Variants in CFAP74 observed in about 807,000 individuals in gnomAD.
CFAP74 encodes the protein cilia and flagella associated protein 74, also known as cilia- and flagella-associated protein 74.
In CFAP74, 124 loss-of-function variants were observed where a neutral mutation model predicts 188.9. The observed-to-expected ratio is 0.66, with a 90% CI of 0.57 to 0.76. The LOEUF is 0.76. Among genes scored for constraint, CFAP74 ranks in the 30% least tolerant of loss-of-function variants. CFAP74 has a pLI of 0.00. For missense variants in CFAP74, 2,198 were observed against 2,165.2 expected (o/e 1.02, Z -0.30); for synonymous variants, 956 against 916.7 (o/e 1.04, Z -0.77).
intron 12 of CFAP74, among the ~76,000 whole-genome samples, chr1:1,966,003 C>G (rs1026020945): frequency 6.6e-6 from 1 of 152,248 alleles, no homozygotes; most frequent in East Asian, 1.9e-4. Context: ...AAAGTTTGCA[C>G]GCTTCTTCTA....
In CFAP74 at chr1:1,989,941, G is replaced by A. The variant is rs375744956; in HGVS notation, c.67+949C>T. 1.3e-3 allele frequency among the ~76,000 whole-genome samples: 196 copies of A among 152,252 alleles called. 1 individual carries two copies. Among genetic ancestry groups the A allele is most frequent in the African/African-American group, 4.6e-3 (190 of 41,558 alleles). On this transcript the variant is annotated intron_variant, in intron 2 of 38. Coordinates refer to ENST00000682832, the MANE Select transcript of CFAP74 (RefSeq NM_001304360.2). ...ACTGTCTTCATGATCACACTCGCACGCCATTTGTCTCCTCACTCTCTTCCC... is the reference window on the plus strand; with the variant it reads ...ACTGTCTTCATGATCACACTCGCACACCATTTGTCTCCTCACTCTCTTCCC...
chr1:1,938,187 TCA>T (rs1570856257), intron 25 of CFAP74, among the ~76,000 whole-genome samples: 1 of 142,514 alleles, frequency 7.0e-6, no homozygotes. Flanking sequence ...ATACAAGCAC[TCA>T]CATTCAGTCA....
intron 6 of CFAP74, among the ~76,000 whole-genome samples, chr1:1,976,464 C>T (rs967439999): frequency 2.6e-5 from 4 of 152,182 alleles, no homozygotes; most frequent in Admixed American, 2.6e-4. Flanking sequence ...CCAGAGGCTT[C>T]CCGAGGCGCC....
At chr1:1,945,298 G>A (rs1390613688) in intron 20 of CFAP74, among the ~76,000 whole-genome samples, 7 of 152,162 alleles carry the variant, frequency 4.6e-5, no homozygotes, top group Admixed American at 4.6e-4. Flanking sequence ...GACTCCTGGG[G>A]CCTCAGGAGG....
At chr1:1,987,580 C>G (rs1657318408) in intron 4 of CFAP74, among the ~76,000 whole-genome samples, 1 of 151,526 alleles carries the variant, frequency 6.6e-6, no homozygotes, top group South Asian at 2.1e-4. Flanking sequence ...CCTCGCTTGT[C>G]ACCCAGGCTG....
At chr1:1,943,590 C>T (rs1226416638) in intron 21 of CFAP74, among the ~76,000 whole-genome samples, 1 of 152,264 alleles carries the variant, frequency 6.6e-6, no homozygotes, top group African/African-American at 2.4e-5. Flanking sequence ...CTGTTCAGGG[C>T]AGGCTGCTTG....
chr1:1,999,980 A>G (rs1419781119), intron 1 of CFAP74, among the ~76,000 whole-genome samples: 1 of 152,112 alleles, frequency 6.6e-6, no homozygotes, highest in East Asian at 1.9e-4. Context: ...CCTGGCTAAC[A>G]CGGTGAAACC....
At chr1:1,965,086 G>C in intron 12 of CFAP74, 25 bp from the exon 13 acceptor site, 1 of 1,602,398 alleles carries the variant, frequency 6.2e-7, no homozygotes, top group Non-Finnish European at 8.5e-7. Context: ...GACAGAGGCT[G>C]GGGCTGTTAG....
At chr1:1,964,803 A>C in intron 13 of CFAP74, 85 bp downstream of exon 13, 1 of 1,466,102 alleles carries the variant, frequency 6.8e-7, no homozygotes, top group Non-Finnish European at 9.4e-7. Flanking sequence ...AAAAAGCAAA[A>C]GGTGTCAGGG....
intron 9 of CFAP74, 144 bp downstream of exon 9, chr1:1,971,836 T>G: frequency 1.6e-6 from 1 of 637,742 alleles, no homozygotes; most frequent in Non-Finnish European, 2.7e-6. Flanking sequence ...TGGCACAGGC[T>G]CGGGAAGCCT....
rs372109689 is a variant in CFAP74, at chr1:1,922,857, G to A, written c.4683+128C>T. 2.8e-5 allele frequency: 41 copies of A among 1,481,776 alleles called. 1 individual carries two copies. The highest frequency in any genetic ancestry group is 9.0e-5 in the Admixed American group (4 of 44,616). The allele number at this position is 1,481,776 out of a possible 1,614,324, so 91.8% of individuals were successfully genotyped here. A position where few individuals can be genotyped will look rare whatever the true frequency, so the allele number is the denominator to read the frequency against. On this transcript the variant is annotated intron_variant, in intron 37 of 38. Transcript: ENST00000682832. Reference sequence around the variant, plus strand: ...GCTGCCCACCCCACAGCTGCCACAGGAAGTCCGAGAAAAGCCCGGCTGTCA... The same window carrying A: ...GCTGCCCACCCCACAGCTGCCACAGAAAGTCCGAGAAAAGCCCGGCTGTCA...
chr1:1,983,218 A>G (rs1400595075), intron 6 of CFAP74, among the ~76,000 whole-genome samples: 1 of 152,206 alleles, frequency 6.6e-6, no homozygotes, highest in East Asian at 1.9e-4. Flanking sequence ...CTTAGAAGCC[A>G]TCACAGCAGG....
chr1:1,946,930 G>T, intron 19 of CFAP74, 60 bp downstream of exon 19: 2 of 1,321,854 alleles, frequency 1.5e-6, no homozygotes, highest in Non-Finnish European at 2.1e-6. Context: ...AGCTGGGGCT[G>T]GGGGAAGGTG....
At position 1,973,765 on chromosome 1, in the gene CFAP74, T is replaced by C. The variant is rs548485261; in HGVS notation, c.674+260A>G. On this transcript the variant is annotated intron_variant, in intron 7 of 38. Coordinates refer to ENST00000682832, the MANE Select transcript of CFAP74 (RefSeq NM_001304360.2). The surrounding 1 kb of genome is among the most constrained non-coding windows in gnomAD (Gnocchi z 6.2). Reference sequence around the variant, plus strand: ...CAGTCTTGCTGGAGCGTGGCTTTAGTAGCCAGCTTTAGCGGCTGTATGGTG... The same window carrying C: ...CAGTCTTGCTGGAGCGTGGCTTTAGCAGCCAGCTTTAGCGGCTGTATGGTG... Among the ~76,000 whole-genome samples the C allele has an allele frequency of 6.6e-6, 1 of 152,056 alleles. No individual in the cohort carries two copies. Among genetic ancestry groups the C allele is most frequent in the African/African-American group, 2.4e-5 (1 of 41,484 alleles).
Position 1,956,667 on chromosome 1 carries a change from C to G in CFAP74, c.1969G>C (p.Ala657Pro). The change falls in exon 17 of 39, where the codon GCT (alanine) becomes CCT (proline). Residue 657 changes from alanine (A) to proline (P), a missense_variant. Transcript: ENST00000682832. ...TCGTCCATCTCACAGGGCTCTGAAG[C>G]TGGCAGGAACTTGAAAGTCGTGCCC... ...GLGTTFKFLP[A>P]SEPCEMDDSQ... 1 of 1,614,164 alleles carries G rather than the reference C, an allele frequency of 6.2e-7. No individual in the cohort carries two copies. The highest frequency in any genetic ancestry group is 8.5e-7 in the Non-Finnish European group (1 of 1,180,024).
chr1:2,002,785 ATT>A (rs1295358453), intron 1 of CFAP74, among the ~76,000 whole-genome samples: 83 of 150,122 alleles, frequency 5.5e-4, no homozygotes, highest in East Asian at 1.2e-3. Flanking sequence ...TATATTATAT[ATT>A]GTTTATATAA....
rs113873178 is a variant in CFAP74 at position 1,968,579 on chromosome 1, C to G, written c.1245+56G>C. 5.3e-3 allele frequency: 7,830 copies of G among 1,479,616 alleles called. 288 individuals carry two copies. In the African/African-American group the frequency reaches 0.094, roughly 18 times the overall value. The allele number at this position is 1,479,616 out of a possible 1,614,324, so 91.7% of individuals were successfully genotyped here. On this transcript the variant is annotated intron_variant, in intron 11 of 38. Coordinates refer to ENST00000682832, the MANE Select transcript of CFAP74 (RefSeq NM_001304360.2). This position sits in a 1 kb window ranked among gnomAD's most constrained non-coding sequence, Gnocchi z 4.3. Reference sequence around the variant, plus strand: ...TCTCACCACACCTGAGCCCTGAGGCCCCACCTGCCCTCCACAGGTGTGCGG... The same window carrying G: ...TCTCACCACACCTGAGCCCTGAGGCGCCACCTGCCCTCCACAGGTGTGCGG...
chr1:1,938,574 G>A (rs1653116490), intron 25 of CFAP74, among the ~76,000 whole-genome samples: 1 of 151,852 alleles, frequency 6.6e-6, no homozygotes, highest in African/African-American at 2.4e-5. Context: ...ACACACACAG[G>A]CACACTCGCC....
At chr1:1,946,089 G>A (rs1264918923) in intron 20 of CFAP74, among the ~76,000 whole-genome samples, 1 of 152,166 alleles carries the variant, frequency 6.6e-6, no homozygotes, top group Admixed American at 6.5e-5. Flanking sequence ...GTTTTTGCAT[G>A]GGCATGCGTG....
Sources: allele counts gnomAD v4.1 joint callset (sites outside exome capture counted in the v4.1 genomes callset), GRCh38; gene constraint gnomAD v4.1.1; non-coding constraint Gnocchi (gnomAD v3.1); transcripts MANE v1.5; gene names NCBI Gene and HGNC (gene_info 2026-07-23, HGNC 2026-07-21).